Variants in FCHO2 observed in about 807,000 individuals in gnomAD.
FCHO2 encodes FCH and mu domain containing endocytic adaptor 2, also known as F-BAR domain only protein 2.
Under a neutral mutation model 114.1 loss-of-function variants are expected in FCHO2, and 43 were observed. The ratio of observed to expected loss-of-function variants is 0.38; its 90% CI spans 0.30 to 0.49. The LOEUF is 0.49. Ranked by LOEUF, FCHO2 falls within the 20% of genes least tolerant of loss-of-function variation. The pLI, the probability that FCHO2 is intolerant of heterozygous loss-of-function variation, is 0.97. For missense variants in FCHO2, 807 were observed against 950.4 expected, an observed-to-expected ratio of 0.85 and a Z score of 1.98; for synonymous variants, 293 against 315.2, an observed-to-expected ratio of 0.93 and a Z score of 0.75.
At chr5:72,973,766 G>A (rs969031737) in intron 2 of FCHO2, among the ~76,000 whole-genome samples, 5 of 151,348 alleles carry the variant, frequency 3.3e-5, no homozygotes, top group African/African-American at 9.7e-5. Flanking sequence ...GTTTGCTCTT[G>A]CTTTTCTAGT....
At chr5:73,020,864 A>G in intron 8 of FCHO2, 1 of 994,630 alleles carries the variant, frequency 1.0e-6, no homozygotes, top group African/African-American at 1.6e-5. Context: ...CTGACCATTA[A>G]GTGTAGCACC....
chr5:73,004,047 C>CAAAAAAAAA (rs34849736), intron 5 of FCHO2, among the ~76,000 whole-genome samples: 1 of 26,492 alleles, frequency 3.8e-5, no homozygotes, highest in Non-Finnish European at 7.0e-5. Flanking sequence ...GACTCCATCT[C>CAAAAAAAAA]AAAAAAAAAA....
intron 22 of FCHO2, 51 bp from the exon 23 acceptor site, chr5:73,081,732 C>T: frequency 2.2e-6 from 3 of 1,355,700 alleles, no homozygotes; most frequent in South Asian, 1.9e-5. Flanking sequence ...ATTAACATGA[C>T]TTCTTAACTT....
At chr5:73,080,614 A>G (rs1399696492) in intron 22 of FCHO2, among the ~76,000 whole-genome samples, 1 of 152,148 alleles carries the variant, frequency 6.6e-6, no homozygotes, top group Non-Finnish European at 1.5e-5. Flanking sequence ...TAAATTTCCT[A>G]CTTTATATTT....
intron 2 of FCHO2, among the ~76,000 whole-genome samples, chr5:72,982,200 A>C (rs1478614707): frequency 6.6e-6 from 1 of 151,872 alleles, no homozygotes; most frequent in Non-Finnish European, 1.5e-5. Context: ...GGATAGGGTG[A>C]TGCCCCGTCC....
intron 16 of FCHO2, among the ~76,000 whole-genome samples, chr5:73,056,309 T>C (rs1757591116): frequency 6.6e-6 from 1 of 152,158 alleles, no homozygotes; most frequent in Admixed American, 6.5e-5. Context: ...TGACACATCA[T>C]AATCACCTAA....
intron 2 of FCHO2, among the ~76,000 whole-genome samples, chr5:72,969,344 A>G (rs1323533035): frequency 6.6e-6 from 1 of 152,248 alleles, no homozygotes; most frequent in African/African-American, 2.4e-5. Context: ...TTAAGATAAC[A>G]GCTTCTCCCT....
At chr5:73,074,978 T>C (rs1471148186) in intron 20 of FCHO2, 125 bp downstream of exon 20, 1 of 726,618 alleles carries the variant, frequency 1.4e-6, no homozygotes, top group African/African-American at 1.8e-5. Context: ...TTTCTGTTGT[T>C]TATTTACCTG....
chr5:72,980,272 T>A (rs7712921), intron 2 of FCHO2, among the ~76,000 whole-genome samples: 44,604 of 152,056 alleles, frequency 0.29, 6,768 homozygotes, highest in East Asian at 0.44. Flanking sequence ...GAGTTTCTTA[T>A]TCCTGAGTTC....
chr5:73,064,616 G>C (rs920795075), intron 18 of FCHO2, among the ~76,000 whole-genome samples: 3 of 151,986 alleles, frequency 2.0e-5, no homozygotes, highest in South Asian at 2.1e-4. Flanking sequence ...CTCAGTCTGT[G>C]TGGTTGACTG....
intron 10 of FCHO2, among the ~76,000 whole-genome samples, chr5:73,040,118 G>T (rs1756735302): frequency 6.6e-6 from 1 of 151,788 alleles, no homozygotes; most frequent in South Asian, 2.1e-4. Context: ...GATTCTTCTG[G>T]TGTTTGCTTA....
chr5:73,058,019 A>T (rs1023845591), intron 16 of FCHO2, among the ~76,000 whole-genome samples: 2 of 151,540 alleles, frequency 1.3e-5, no homozygotes, highest in African/African-American at 4.8e-5. Context: ...AAAAAAAATT[A>T]TTTTTTTTAC....
At position 73,013,237 on chromosome 5, in the gene FCHO2, G is replaced by C. The variant is rs373666507; in HGVS notation, c.601-2389G>C. The stretch of plus-strand genomic sequence containing the variant: ...GTTTTTGGGCTGTTGCAATACTGCC[G>C]AAACTGTAATTTCACCATTCTGGAT... On this transcript the variant is annotated intron_variant, in intron 6 of 25. Transcript: ENST00000430046. 2.6e-5 allele frequency among the ~76,000 whole-genome samples: 4 copies of C among 151,350 alleles called. No individual in the cohort carries two copies. The East Asian group carries it at 7.7e-4, about 29-fold the overall frequency.
At chr5:73,083,480 A>G (rs1003607576) in intron 24 of FCHO2, among the ~76,000 whole-genome samples, 9 of 152,232 alleles carry the variant, frequency 5.9e-5, no homozygotes, top group African/African-American at 2.2e-4. Flanking sequence ...ATAGAACTCT[A>G]TGTTCCATGT....
intron 16 of FCHO2, among the ~76,000 whole-genome samples, 151 bp downstream of exon 16, chr5:73,056,258 TC>T (rs1757588474): frequency 6.6e-6 from 1 of 152,208 alleles, no homozygotes; most frequent in South Asian, 2.1e-4. Context: ...TCAAATTCTC[TC>T]ACCAGAGTGG....
At chr5:73,025,951 C>T (rs1364966641) in intron 8 of FCHO2, among the ~76,000 whole-genome samples, 1 of 152,196 alleles carries the variant, frequency 6.6e-6, no homozygotes, top group Non-Finnish European at 1.5e-5. Flanking sequence ...AGCTTTAGTT[C>T]TGTGGGATAG....
At chr5:73,037,995 G>A in intron 10 of FCHO2, 1 of 197,242 alleles carries the variant, frequency 5.1e-6, no homozygotes, top group South Asian at 6.6e-5. Context: ...CCTGACCTCA[G>A]GTGAACCACC....
Position 73,078,305 on chromosome 5 carries a change from A to C in FCHO2, c.1973A>C (p.Lys658Thr). The C allele has an allele frequency of 6.3e-7, 1 of 1,599,272 alleles. No individual in the cohort carries two copies. The highest frequency in any genetic ancestry group is 1.3e-5 in the African/African-American group (1 of 74,362). Residue 658 changes from lysine to threonine, a missense_variant, in exon 22 of 26, where the codon AAG (lysine) becomes ACG (threonine). By Grantham distance (78) the Lys-to-Thr change is moderately conservative (BLOSUM62 -1). Transcript: ENST00000430046. ...AASYYNVDVL[K>T]YQVSSNGIQS... Reference sequence around the variant, plus strand: ...TCTTATTATAATGTAGATGTATTAAAGTATCAGGTGAGTGTCACGACATTG... The same window carrying C: ...TCTTATTATAATGTAGATGTATTAACGTATCAGGTGAGTGTCACGACATTG...
At position 73,024,573 on chromosome 5, in the gene FCHO2, G is replaced by A. The variant is rs184774154; in HGVS notation, c.796+7265G>A. On this transcript the variant is annotated intron_variant, in intron 8 of 25. Coordinates refer to ENST00000430046, the MANE Select transcript of FCHO2 (RefSeq NM_138782.3). ...CCTGCCTCAGCCTCCCGAGTAGCTG[G>A]GATTACAGGTGCCCACCACCACACC... Among the ~76,000 whole-genome samples the A allele has an allele frequency of 2.4e-4, 37 of 152,096 alleles. No homozygotes were observed. In the East Asian group the frequency reaches 3.1e-3, roughly 13 times the overall value.
Sources: allele counts gnomAD v4.1 joint callset (sites outside exome capture counted in the v4.1 genomes callset), GRCh38; gene constraint gnomAD v4.1.1; transcripts MANE v1.5; gene names NCBI Gene and HGNC (gene_info 2026-07-23, HGNC 2026-07-21).